TAS2R1: variants seen among roughly 807,000 people sequenced by gnomAD.
The protein encoded by TAS2R1 is taste 2 receptor member 1, also known as taste receptor type 2 member 1.
For missense variants in TAS2R1, 370 were observed against 353.4 expected (o/e 1.05, Z -0.38); for synonymous variants, 141 against 134.2 (o/e 1.05, Z -0.35).
the TAS2R1 span, among the ~76,000 whole-genome samples, chr5:9,747,933 T>C: frequency 1.3e-5 from 2 of 152,128 alleles, no homozygotes; most frequent in South Asian, 2.1e-4. Flanking sequence ...GGAGCTGGGA[T>C]GGGTCTAGCC....
At chr5:9,647,280 TG>T (rs933010830) in intron 2 of TAS2R1, among the ~76,000 whole-genome samples, 1 of 152,194 alleles carries the variant, frequency 6.6e-6, no homozygotes, top group Non-Finnish European at 1.5e-5. Flanking sequence ...ACTATTCAGA[TG>T]TCTTGCATTC....
At chr5:9,706,676 G>A (rs556575910) in intron 1 of TAS2R1, among the ~76,000 whole-genome samples, 2 of 152,342 alleles carry the variant, frequency 1.3e-5, no homozygotes, top group Admixed American at 1.3e-4. Context: ...GAGAGGGTAG[G>A]AGGGAGAAAG....
chr5:9,846,335 G>A, the TAS2R1 span, among the ~76,000 whole-genome samples: 4 of 152,288 alleles, frequency 2.6e-5, no homozygotes, highest in East Asian at 1.9e-4. Flanking sequence ...TTTGGAGGGC[G>A]ACGACAATGT....
the TAS2R1 span, among the ~76,000 whole-genome samples, chr5:9,876,430 G>A: frequency 5.9e-5 from 9 of 151,982 alleles, no homozygotes; most frequent in Non-Finnish European, 8.8e-5. Flanking sequence ...CCCTAGTTAT[G>A]ACTGTTGAAG....
chr5:9,809,984 G>C, the TAS2R1 span, among the ~76,000 whole-genome samples: 3 of 152,150 alleles, frequency 2.0e-5, no homozygotes, highest in Non-Finnish European at 2.9e-5. Flanking sequence ...AACTTTACAT[G>C]GAACCTCTCT....
At chr5:9,847,942 C>T in the TAS2R1 span, among the ~76,000 whole-genome samples, 289 of 152,272 alleles carry the variant, frequency 1.9e-3, 1 homozygote, top group African/African-American at 6.4e-3. Flanking sequence ...TTGTCAGACA[C>T]GCAAATTCCT....
At chr5:9,863,199 G>C in the TAS2R1 span, 1 of 151,592 alleles carries the variant, frequency 6.6e-6, no homozygotes, top group Admixed American at 6.6e-5. Flanking sequence ...TCAAGATTCT[G>C]ATACAGGCTT....
chr5:9,686,711 C>T (rs1483923649), intron 1 of TAS2R1, among the ~76,000 whole-genome samples: 2 of 152,064 alleles, frequency 1.3e-5, no homozygotes, highest in Admixed American at 6.6e-5. Context: ...GGCAGACAAA[C>T]TATATTACGT....
intron 1 of TAS2R1, among the ~76,000 whole-genome samples, chr5:9,693,053 C>T (rs887550173): frequency 2.6e-5 from 4 of 152,154 alleles, no homozygotes; most frequent in Admixed American, 1.3e-4. Context: ...AGGGCTACTC[C>T]TCATCACTGC....
At chr5:9,780,673 ATG>A in the TAS2R1 span, among the ~76,000 whole-genome samples, 216 of 151,614 alleles carry the variant, frequency 1.4e-3, 3 homozygotes, top group East Asian at 0.031. Flanking sequence ...AACTAACAGA[ATG>A]TGTGTGTGTG....
At chr5:9,890,744 G>T in the TAS2R1 span, among the ~76,000 whole-genome samples, 1 of 152,184 alleles carries the variant, frequency 6.6e-6, no homozygotes, top group East Asian at 1.9e-4. Context: ...TTGTCAATTC[G>T]ATATTTAAAT....
the TAS2R1 span, among the ~76,000 whole-genome samples, chr5:9,754,678 A>G: frequency 1.3e-5 from 2 of 152,212 alleles, no homozygotes; most frequent in East Asian, 3.8e-4. Flanking sequence ...TTGGAATCCA[A>G]CTTAGGAGGG....
At chr5:9,823,560 C>A in the TAS2R1 span, among the ~76,000 whole-genome samples, 19 of 113,530 alleles carry the variant, frequency 1.7e-4, no homozygotes, top group Non-Finnish European at 2.7e-4. Flanking sequence ...AGCAGAAAGG[C>A]AGAAAGGGGG....
the TAS2R1 span, among the ~76,000 whole-genome samples, chr5:9,856,685 AC>A: frequency 6.6e-6 from 1 of 152,206 alleles, no homozygotes; most frequent in Non-Finnish European, 1.5e-5. Context: ...TCAAAATATT[AC>A]CACAATAAAA....
At chr5:9,824,558 C>A in the TAS2R1 span, among the ~76,000 whole-genome samples, 1 of 152,070 alleles carries the variant, frequency 6.6e-6, no homozygotes, top group African/African-American at 2.4e-5. Context: ...GGCTGTGGTC[C>A]GCCTATGGCT....
intron 1 of TAS2R1, among the ~76,000 whole-genome samples, chr5:9,711,358 T>C (rs184341894): frequency 6.6e-6 from 1 of 152,302 alleles, no homozygotes; most frequent in Admixed American, 6.5e-5. Flanking sequence ...TCCTGTAATA[T>C]GCTACAACAC....
intron 2 of TAS2R1, among the ~76,000 whole-genome samples, chr5:9,649,439 C>T (rs551589725): frequency 6.6e-6 from 1 of 152,228 alleles, no homozygotes; most frequent in East Asian, 1.9e-4. Flanking sequence ...ATTGTATGAC[C>T]TCATTGTAGT....
the TAS2R1 span, among the ~76,000 whole-genome samples, chr5:9,739,863 A>C: frequency 2.0e-5 from 3 of 152,242 alleles, no homozygotes; most frequent in Non-Finnish European, 4.4e-5. Flanking sequence ...TCTTAGAATT[A>C]CATAAAATAA....
chr5:9,691,212 CAG>C (rs1561380267), intron 1 of TAS2R1, among the ~76,000 whole-genome samples: 1 of 152,194 alleles, frequency 6.6e-6, no homozygotes, highest in Admixed American at 6.5e-5. Context: ...GACAGATAGA[CAG>C]GGAGCAGAAC....
Sources: gnomAD v4.1 joint callset for allele counts (sites outside exome capture counted in the v4.1 genomes callset) on GRCh38, gnomAD v4.1.1 for gene constraint, MANE v1.5 for transcripts, NCBI Gene and HGNC (gene_info 2026-07-23, HGNC 2026-07-21) for gene names.